The following NKTR variants were observed in gnomAD, a reference collection of about 807,000 sequenced individuals.
NKTR encodes NK-tumor recognition protein.
A neutral mutation model predicts 156.3 loss-of-function variants in NKTR; 67 were observed. The observed-to-expected ratio is 0.43, with a 90% CI of 0.35 to 0.53. The LOEUF is 0.53. Among genes scored for constraint, NKTR ranks in the 20% least tolerant of loss-of-function variants. The probability of loss-of-function intolerance (pLI) is 0.01; values close to 1 mark genes in which losing one functional copy is unlikely to be tolerated. For synonymous variants in NKTR, 640 were observed against 596.6 expected (o/e 1.07, Z -1.06); for missense variants, 1,604 against 1,730.9 (o/e 0.93, Z 1.30).
chr3:42,614,384 T>A (rs1184175108), intron 2 of NKTR, among the ~76,000 whole-genome samples: 1 of 152,178 alleles, frequency 6.6e-6, no homozygotes, highest in Non-Finnish European at 1.5e-5. Flanking sequence ...TAGTTTATGC[T>A]TGCCATCACC....
At chr3:42,603,297 C>T (rs1443374639) in intron 2 of NKTR, among the ~76,000 whole-genome samples, 1 of 146,454 alleles carries the variant, frequency 6.8e-6, no homozygotes, top group Non-Finnish European at 1.5e-5. Flanking sequence ...GAGTTTAAGG[C>T]TGCCATGAGC....
At chr3:42,615,071 A>T (rs1289045296) in intron 2 of NKTR, among the ~76,000 whole-genome samples, 3 of 147,720 alleles carry the variant, frequency 2.0e-5, no homozygotes, top group African/African-American at 7.6e-5. Context: ...TAGAGGTGAG[A>T]TTTGTTTTTT....
In NKTR at chr3:42,638,953, T is replaced by C. The variant is rs749948244; in HGVS notation, c.3249T>C (p.Thr1083=). 2.1e-5 allele frequency: 34 copies of C among 1,613,714 alleles called. No homozygotes were observed. Among genetic ancestry groups the C allele is most frequent in the Non-Finnish European group, 2.7e-5 (32 of 1,179,810 alleles). ...VTVSSDLDQF[T]KDDSKLSISP... ...TTTCATCAGATCTTGATCAGTTTAC[T>C]AAAGATGATAGTAAACTCAGTATTT... is the stretch of plus-strand genomic sequence containing the variant. The change falls in exon 13 of 17, where the codon ACT becomes ACC. Residue 1083 remains threonine, a synonymous_variant. Transcript: ENST00000232978.
intron 6 of NKTR, chr3:42,627,183 T>C: frequency 1.0e-6 from 1 of 973,702 alleles, no homozygotes; most frequent in Non-Finnish European, 1.2e-6. Context: ...CTTGCCATTT[T>C]TGTGTAAAAT....
chr3:42,617,921 GCA>G (rs1477022407), intron 3 of NKTR, among the ~76,000 whole-genome samples: 3 of 151,994 alleles, frequency 2.0e-5, no homozygotes, highest in Admixed American at 6.5e-5. Flanking sequence ...TAAAATAATA[GCA>G]CACATTCAAA....
intron 8 of NKTR, among the ~76,000 whole-genome samples, chr3:42,632,209 A>G (rs1577536622): frequency 6.6e-6 from 1 of 151,454 alleles, no homozygotes; most frequent in East Asian, 2.0e-4. Context: ...AGCTGGGATT[A>G]TAGGGATGCA....
chr3:42,611,488 C>T (rs1018547244), intron 2 of NKTR, among the ~76,000 whole-genome samples: 1 of 152,086 alleles, frequency 6.6e-6, no homozygotes, highest in Non-Finnish European at 1.5e-5. Context: ...AATCCCAGCA[C>T]TCTGGGAGGT....
intron 7 of NKTR, 39 bp downstream of exon 7, chr3:42,630,614 G>T: frequency 6.2e-7 from 1 of 1,612,650 alleles, no homozygotes; most frequent in South Asian, 1.1e-5. Flanking sequence ...GAAGTGTTTG[G>T]GTGGCCAGCC....
chr3:42,638,639 CAT>C lies in NKTR; in HGVS notation c.2936_2937del (p.His979ArgfsTer7). On this transcript the variant is annotated frameshift_variant, in exon 13 of 17. Coordinates refer to ENST00000232978, the MANE Select transcript of NKTR (RefSeq NM_005385.4). LOFTEE classifies it high-confidence loss of function. ...NNRGKPQKHK[H>X]GSKENLKREH... The stretch of plus-strand genomic sequence containing the variant: ...TAGGGGAAAGCCACAAAAGCACAAA[CAT>C]GGGTCAAAGGAAAATCTTAAAAGAG... 6.2e-7 allele frequency: 1 copy of C among 1,612,812 alleles called. No individual in the cohort carries two copies. Among genetic ancestry groups the C allele is most frequent in the Non-Finnish European group, 8.5e-7 (1 of 1,179,720 alleles).
intron 4 of NKTR, chr3:42,619,456 G>A: frequency 7.2e-7 from 1 of 1,389,948 alleles, no homozygotes. Flanking sequence ...AGTAGGTTGT[G>A]AAGATGACTT....
chr3:42,624,186 T>G (rs1708160490), intron 6 of NKTR, among the ~76,000 whole-genome samples: 1 of 152,062 alleles, frequency 6.6e-6, no homozygotes, highest in Non-Finnish European at 1.5e-5. Context: ...ATAAATCTAT[T>G]TGTAATTTTT....
At chr3:42,644,980 G>C (rs1710232499) in intron 16 of NKTR, among the ~76,000 whole-genome samples, 1 of 150,616 alleles carries the variant, frequency 6.6e-6, no homozygotes, top group African/African-American at 2.4e-5. Flanking sequence ...TTGTGTCTTT[G>C]TGTGTGTGTG....
rs1710314747 is a variant in NKTR, at chr3:42,645,819, C to A, written c.4302-69C>A. The A allele has an allele frequency of 7.7e-6, 8 of 1,045,196 alleles. No individual in the cohort carries two copies. The South Asian group carries it at 1.1e-4, about 14-fold the overall frequency. The allele number at this position is 1,045,196 out of a possible 1,614,324, so 64.7% of individuals were successfully genotyped here. On this transcript the variant is annotated intron_variant, in intron 16 of 16. Transcript: ENST00000232978. Reference sequence around the variant, plus strand: ...GTTTTCAAGCCACTCATATAAAAAACAAGCTATAAGAGGAATTCAAAGATT... The same window carrying A: ...GTTTTCAAGCCACTCATATAAAAAAAAAGCTATAAGAGGAATTCAAAGATT...
chr3:42,601,026 C>G lies in NKTR; in HGVS notation c.20C>G (p.Pro7Arg). 6.3e-7 allele frequency: 1 copy of G among 1,581,612 alleles called. No individual in the cohort carries two copies. The highest frequency in any genetic ancestry group is 8.6e-7 in the Non-Finnish European group (1 of 1,166,920). Residue 7 changes from proline to arginine, a missense_variant, in exon 2 of 17, where the codon CCG (proline) becomes CGG (arginine). By Grantham distance (103) the Pro-to-Arg change is moderately radical (BLOSUM62 -2). Coordinates refer to ENST00000232978, the MANE Select transcript of NKTR (RefSeq NM_005385.4). The stretch of plus-strand genomic sequence containing the variant: ...GTCGCGATGGGGGCGCAGGACCGGC[C>G]GCAGTGCCACTTCGACATCGAGATC... Reference protein sequence around the residue: MGAQDRPQCHFDIEINR... With the variant: MGAQDRRQCHFDIEINR...
At chr3:42,610,046 C>T (rs1229733355) in intron 2 of NKTR, among the ~76,000 whole-genome samples, 1 of 152,016 alleles carries the variant, frequency 6.6e-6, no homozygotes, top group Non-Finnish European at 1.5e-5. Context: ...TCTTGTTGCC[C>T]AGGCTGGAGT....
Position 42,636,910 on chromosome 3 carries a change from G to A in NKTR, c.1206G>A (p.Leu402=). 3 of 1,581,228 alleles carry A rather than the reference G, an allele frequency of 1.9e-6. No individual in the cohort carries two copies. Among genetic ancestry groups the A allele is most frequent in the Non-Finnish European group, 2.6e-6 (3 of 1,170,726 alleles). The part of the protein sequence containing the change: ...PCSSRWDERS[L]SQRSRSWSYN... ...CAAGCCGATGGGATGAAAGAAGCTTGTCTCAGAGATCCAGATCATGGTCCT... is the reference window on the plus strand; with the variant it reads ...CAAGCCGATGGGATGAAAGAAGCTTATCTCAGAGATCCAGATCATGGTCCT... The change falls in exon 13 of 17, where the codon TTG becomes TTA. Residue 402 remains leucine, a synonymous_variant. Coordinates refer to ENST00000232978, the MANE Select transcript of NKTR (RefSeq NM_005385.4).
rs58733435 is a variant in NKTR at position 42,626,167 on chromosome 3, AT to A, written c.375-4367del. 1.5e-3 allele frequency among the ~76,000 whole-genome samples: 221 copies of A among 144,042 alleles called. 1 individual carries two copies. The highest frequency in any genetic ancestry group is 1.5e-3 in the Admixed American group (21 of 14,324). 94.5% of individuals were successfully genotyped at this position (144,042 alleles called of 152,430 possible). On this transcript the variant is annotated intron_variant, in intron 6 of 16. Transcript: ENST00000232978. The stretch of plus-strand genomic sequence containing the variant: ...TACTACTTTACACCTACAGTCACTT[AT>A]TTTTTTTTTTTGCAACATTCATTGA...
chr3:42,635,154 ACT>A (rs1709276907), intron 11 of NKTR, 65 bp from the exon 12 acceptor site: 4 of 1,302,694 alleles, frequency 3.1e-6, no homozygotes, highest in Non-Finnish European at 4.2e-6. Context: ...CTTTTACTTA[ACT>A]CTGTCACATA....
Position 42,639,639 on chromosome 3 carries a change from G to A in NKTR, c.3935G>A (p.Arg1312Lys), listed in dbSNP as rs1342113606. The A allele has an allele frequency of 6.2e-7, 1 of 1,614,018 alleles. No homozygotes were observed. The highest frequency in any genetic ancestry group is 1.3e-5 in the African/African-American group (1 of 74,924). ...TPSRDDDSQS[R>K]SPSRSRSKSE... ...AGTCGGGATGATGATAGCCAGTCCA[G>A]GAGTCCAAGTAGATCTCGAAGTAAA... Residue 1312 changes from arginine (R) to lysine (K), a missense_variant, in exon 13 of 17, where the codon AGG becomes AAG. By Grantham distance (26) the Arg-to-Lys change is conservative (BLOSUM62 2). Coordinates refer to ENST00000232978, the MANE Select transcript of NKTR (RefSeq NM_005385.4).
Sources: gnomAD v4.1 joint callset for allele counts (sites outside exome capture counted in the v4.1 genomes callset) on GRCh38, gnomAD v4.1.1 for gene constraint, MANE v1.5 for transcripts, NCBI Gene and HGNC (gene_info 2026-07-23, HGNC 2026-07-21) for gene names.